UGT1A4: variants seen among roughly 807,000 people sequenced by gnomAD.
UGT1A4 encodes UDP glucuronosyltransferase family 1 member A4.
In UGT1A4, 32 loss-of-function variants were observed where a neutral mutation model predicts 41.1. The ratio of observed to expected loss-of-function variants is 0.78; its 90% CI spans 0.59 to 1.05. The LOEUF (loss-of-function observed/expected upper bound fraction) is 1.05. Among genes scored for constraint, UGT1A4 ranks in the 50% least tolerant of loss-of-function variants. The probability of loss-of-function intolerance (pLI) is 0.00; values close to 1 mark genes in which losing one functional copy is unlikely to be tolerated. For synonymous variants in UGT1A4, 283 were observed against 265.1 expected (o/e 1.07, Z -0.66); for missense variants, 748 against 677.4 (o/e 1.10, Z -1.16).
chr2:233,741,193 A>G (rs1392920189), intron 1 of UGT1A4, among the ~76,000 whole-genome samples: 1 of 151,910 alleles, frequency 6.6e-6, no homozygotes, highest in Non-Finnish European at 1.5e-5. Flanking sequence ...TTTGCTTTCA[A>G]CTGTTAAAAC....
At chr2:233,729,323 A>G in intron 1 of UGT1A4, 2 of 1,614,278 alleles carry the variant, frequency 1.2e-6, no homozygotes, top group Non-Finnish European at 1.7e-6. Context: ...CCAGAGGTGA[A>G]TATGCACATC....
At position 233,719,420 on chromosome 2, in the gene UGT1A4, C is replaced by T; in HGVS notation, c.600C>T (p.Thr200=). Residue 200 remains threonine, a synonymous_variant, in exon 1 of 5, where the codon ACC becomes ACT. Transcript: ENST00000373409. ...PSSYIPKLLT[T]NSDHMTFLQR... ...CCTATATTCCTAAGTTACTAACGACCAATTCAGACCACATGACATTCCTGC... is the reference window on the plus strand; with the variant it reads ...CCTATATTCCTAAGTTACTAACGACTAATTCAGACCACATGACATTCCTGC... 6.2e-7 allele frequency: 1 copy of T among 1,613,820 alleles called. No homozygotes were observed. The highest frequency in any genetic ancestry group is 8.5e-7 in the Non-Finnish European group (1 of 1,179,874).
intron 1 of UGT1A4, among the ~76,000 whole-genome samples, chr2:233,749,503 T>G (rs1362784067): frequency 6.6e-6 from 1 of 151,872 alleles, no homozygotes; most frequent in African/African-American, 2.4e-5. Context: ...CTTAGAGAAT[T>G]AGAGAACACT....
chr2:233,772,563 G>A lies in UGT1A4; in HGVS notation c.*4G>A. ...CCACAAATCCAAGACCCATTGAGAA[G>A]TGGGTGGGAAATAAGGTAAAATTTT... On this transcript the variant is annotated 3_prime_UTR_variant, in exon 5 of 5. Transcript: ENST00000373409. 2 of 1,613,538 alleles carry A rather than the reference G, an allele frequency of 1.2e-6. No homozygotes were observed. Among genetic ancestry groups the A allele is most frequent in the Middle Eastern group, 1.6e-4 (1 of 6,062 alleles).
At chr2:233,729,668 A>C (rs1346265450) in intron 1 of UGT1A4, 12 of 1,613,764 alleles carry the variant, frequency 7.4e-6, no homozygotes, top group Non-Finnish European at 1.0e-5. Context: ...TGTGATTTAG[A>C]CTTTAAGGGC....
At chr2:233,724,803 C>T (rs1387288842) in intron 1 of UGT1A4, among the ~76,000 whole-genome samples, 2 of 138,308 alleles carry the variant, frequency 1.4e-5, no homozygotes, top group South Asian at 5.4e-4. Flanking sequence ...GGGTGGCGGC[C>T]GGGCAGAGGC....
chr2:233,718,964 G>C lies in UGT1A4; in HGVS notation c.144G>C (p.Leu48Phe). ...CCTGGCTCAGCATGCGGGAGGCCTT[G>C]CGGGAGCTCCATGCCAGAGGCCACC... ...GSPWLSMREA[L>F]RELHARGHQA... Residue 48 changes from leucine to phenylalanine, a missense_variant, in exon 1 of 5, where the codon TTG (leucine) becomes TTC (phenylalanine). Leu to Phe is a conservative substitution (Grantham distance 22). Coordinates refer to ENST00000373409, the MANE Select transcript of UGT1A4 (RefSeq NM_007120.3). 6.2e-7 allele frequency: 1 copy of C among 1,614,222 alleles called. No individual in the cohort carries two copies. The highest frequency in any genetic ancestry group is 8.5e-7 in the Non-Finnish European group (1 of 1,180,026).
intron 1 of UGT1A4, among the ~76,000 whole-genome samples, chr2:233,737,339 C>T (rs1412051076): frequency 6.6e-6 from 1 of 152,240 alleles, no homozygotes; most frequent in Non-Finnish European, 1.5e-5. Context: ...GAGCAAGGCT[C>T]CGTGGGCATG....
At chr2:233,747,788 C>A in intron 1 of UGT1A4, 1 of 1,613,516 alleles carries the variant, frequency 6.2e-7, no homozygotes. Context: ...ATCCTTCCTC[C>A]TATATTCCTA....
At position 233,729,298 on chromosome 2, in the gene UGT1A4, G is replaced by A. The variant is rs140541315; in HGVS notation, c.867+9611G>A. On this transcript the variant is annotated intron_variant, in intron 1 of 4. Transcript: ENST00000373409. ...GGAGCTCCATGCCAGAGGCCACCAG[G>A]CAGTGGTCCTCACCCCAGAGGTGAA... 186 of 1,614,254 alleles carry A rather than the reference G, an allele frequency of 1.2e-4. No individual in the cohort carries two copies. In the African/African-American group the frequency reaches 1.9e-3, roughly 17 times the overall value.
At chr2:233,727,495 T>C (rs1362893443) in intron 1 of UGT1A4, among the ~76,000 whole-genome samples, 1 of 152,152 alleles carries the variant, frequency 6.6e-6, no homozygotes, top group African/African-American at 2.4e-5. Flanking sequence ...AGGTAGAACA[T>C]GGGAGCCCAT....
rs1354491814 is a variant in UGT1A4 at position 233,754,735 on chromosome 2, A to G, written c.868-12299A>G. 4.6e-6 allele frequency: 3 copies of G among 652,332 alleles called. No homozygotes were observed. In the Admixed American group the frequency reaches 7.0e-5, roughly 15 times the overall value. The allele number at this position is 652,332 out of a possible 1,614,324, so 40.4% of individuals were successfully genotyped here. ...AAGCTGCCTGTCCCATCACTACCGT[A>G]GGACATGCAGAAGGAAGAAAGGCCC... On this transcript the variant is annotated intron_variant, in intron 1 of 4. Transcript: ENST00000373409.
intron 1 of UGT1A4, chr2:233,721,927 A>G: frequency 2.6e-6 from 1 of 391,754 alleles, no homozygotes. Context: ...ATAAAGTGAC[A>G]TCCTTCAGAC....
chr2:233,725,813 T>C (rs566804678), intron 1 of UGT1A4, among the ~76,000 whole-genome samples: 29 of 152,324 alleles, frequency 1.9e-4, no homozygotes, highest in African/African-American at 7.0e-4. Context: ...ATCCATTTTA[T>C]TGGATACCAG....
At chr2:233,761,302 C>T (rs1697737544) in intron 1 of UGT1A4, 1 of 1,473,836 alleles carries the variant, frequency 6.8e-7, no homozygotes, top group Non-Finnish European at 9.2e-7. Context: ...AGGTTTGAGT[C>T]TGTCTTTGGC....
chr2:233,744,010 C>T, intron 1 of UGT1A4: 1 of 1,130,886 alleles, frequency 8.8e-7, no homozygotes, highest in Non-Finnish European at 1.2e-6. Context: ...GAGACCTGGG[C>T]CGCCTGGAGA....
intron 1 of UGT1A4, chr2:233,743,956 G>A (rs184316279): frequency 9.0e-5 from 120 of 1,338,248 alleles, no homozygotes; most frequent in Middle Eastern, 2.2e-4. Flanking sequence ...CTGGCACAGC[G>A]AGCGGCAAGG....
At chr2:233,771,789 T>TCCCA (rs1282834982) in intron 4 of UGT1A4, among the ~76,000 whole-genome samples, 7 of 144,234 alleles carry the variant, frequency 4.9e-5, no homozygotes, top group East Asian at 4.5e-4. Flanking sequence ...CCTCTCTCCC[T>TCCCA]CCCTCCCTCC....
chr2:233,772,072 C>T (rs1304190129), intron 4 of UGT1A4, among the ~76,000 whole-genome samples, 190 bp from the exon 5 acceptor site: 2 of 152,100 alleles, frequency 1.3e-5, no homozygotes, highest in Non-Finnish European at 2.9e-5. Flanking sequence ...ATGCTTGTGC[C>T]ACTACACTCC....
Sources: gnomAD v4.1 joint callset for allele counts (sites outside exome capture counted in the v4.1 genomes callset) on GRCh38, gnomAD v4.1.1 for gene constraint, MANE v1.5 for transcripts, NCBI Gene and HGNC (gene_info 2026-07-23, HGNC 2026-07-21) for gene names.